HECTD4: variants seen among roughly 807,000 people sequenced by gnomAD.
HECTD4 encodes the protein HECT domain E3 ubiquitin protein ligase 4, also known as probable E3 ubiquitin-protein ligase HECTD4.
HECTD4 carries 114 observed loss-of-function variants against 471.5 expected under a neutral mutation model. The ratio of observed to expected loss-of-function variants is 0.24; its 90% CI spans 0.21 to 0.28. HECTD4 has a LOEUF of 0.28. HECTD4 is among the 10% of genes least tolerant of loss of function. HECTD4 has a pLI of 1.00. For synonymous variants in HECTD4, 2,012 were observed against 2,256.0 expected (o/e 0.89, Z 3.07); for missense variants, 3,866 against 5,651.5 (o/e 0.68, Z 10.13).
chr12:112,219,852 A>G (rs3741994), intron 44 of HECTD4, among the ~76,000 whole-genome samples: 34,734 of 151,974 alleles, frequency 0.23, 6,460 homozygotes, highest in East Asian at 0.85. Context: ...CGCCTGCCTC[A>G]GCCTCCCAAA....
chr12:112,349,958 CTTT>C (rs2036222868), intron 1 of HECTD4, among the ~76,000 whole-genome samples: 1 of 151,880 alleles, frequency 6.6e-6, no homozygotes, highest in Non-Finnish European at 1.5e-5. Flanking sequence ...TTTTCTTTTT[CTTT>C]TTCTTTTTTT....
intron 1 of HECTD4, among the ~76,000 whole-genome samples, chr12:112,327,914 T>C (rs2035777275): frequency 6.6e-6 from 1 of 152,082 alleles, no homozygotes; most frequent in African/African-American, 2.4e-5. Flanking sequence ...ATAAAACCTT[T>C]CAATTTCCAA....
chr12:112,306,212 G>A lies in HECTD4; in HGVS notation c.1187C>T (p.Pro396Leu). 6.3e-7 allele frequency: 1 copy of A among 1,579,484 alleles called. No homozygotes were observed. The highest frequency in any genetic ancestry group is 2.3e-5 in the East Asian group (1 of 43,630). Residue 396 changes from proline (P) to leucine (L), a missense_variant, in exon 7 of 76, where the codon CCA becomes CTA. Transcript: ENST00000682272. ...TLQVCQVVPMPANHLPIGSTM... is the reference protein window; with the variant it reads ...TLQVCQVVPMLANHLPIGSTM... ...GCTGCCAATGGGGAGGTGATTGGCT[G>A]GCATTGGCACCACCTGGCACACCTG...
At chr12:112,216,675 A>T in intron 47 of HECTD4, 98 bp downstream of exon 47, 2 of 1,370,830 alleles carry the variant, frequency 1.5e-6, no homozygotes, top group South Asian at 1.4e-5. Flanking sequence ...CCCCAAACTC[A>T]CTTGAAGACA....
chr12:112,235,009 A>G lies in HECTD4; in HGVS notation c.5915+68T>C, dbSNP rs568912366. 1 of 1,417,472 alleles carries G rather than the reference A, an allele frequency of 7.1e-7. No individual in the cohort carries two copies. Among genetic ancestry groups the G allele is most frequent in the East Asian group, 2.5e-5 (1 of 40,300 alleles). 87.8% of individuals were successfully genotyped at this position (1,417,472 alleles called of 1,614,324 possible). A position where few individuals can be genotyped will look rare whatever the true frequency, so the allele number is the denominator to read the frequency against. On this transcript the variant is annotated intron_variant, in intron 37 of 75. Transcript: ENST00000682272. This position sits in a 1 kb window ranked among gnomAD's most constrained non-coding sequence, Gnocchi z 5.0. ...GGCAGTCGATACATGTACAGGGCTT[A>G]CTTAGCACAGTGCCTGTGACATGGG... is the stretch of plus-strand genomic sequence containing the variant.
At chr12:112,252,995 G>A (rs918869503) in intron 22 of HECTD4, among the ~76,000 whole-genome samples, 4 of 149,968 alleles carry the variant, frequency 2.7e-5, no homozygotes, top group Middle Eastern at 3.5e-3. Context: ...TTTTTTTTTT[G>A]TAGAGACAAG....
intron 7 of HECTD4, chr12:112,301,921 A>C (rs1198834877): frequency 9.7e-7 from 1 of 1,031,214 alleles, no homozygotes; most frequent in Non-Finnish European, 1.5e-6. Context: ...CGAGCTTGGC[A>C]ATGCAAGCCA....
rs1453263091 is a variant in HECTD4, at chr12:112,228,544, G to C, written c.6684+103C>G. On this transcript the variant is annotated intron_variant, in intron 42 of 75. Coordinates refer to ENST00000682272, the MANE Select transcript of HECTD4 (RefSeq NM_001388303.1). This position sits in a 1 kb window ranked among gnomAD's most constrained non-coding sequence, Gnocchi z 4.9. ...AATATACATCACAAGTACAATTTAA[G>C]ATAATCAAGCATTTGTGCTTCTGCA... The C allele has an allele frequency of 9.5e-7, 1 of 1,047,842 alleles. No homozygotes were observed. Among genetic ancestry groups the C allele is most frequent in the Non-Finnish European group, 1.4e-6 (1 of 736,256 alleles). 64.9% of individuals were successfully genotyped at this position (1,047,842 alleles called of 1,614,324 possible).
At position 112,243,837 on chromosome 12, in the gene HECTD4, G is replaced by A. The variant is rs1473680079; in HGVS notation, c.4649+37C>T. On this transcript the variant is annotated intron_variant, in intron 30 of 75. Coordinates refer to ENST00000682272, the MANE Select transcript of HECTD4 (RefSeq NM_001388303.1). This position sits in a 1 kb window ranked among gnomAD's most constrained non-coding sequence, Gnocchi z 6.6. ...CTTGTTTTGATGAATGCATTCAGCT[G>A]CATGTGGGAACCCAACCCCGGCCAT... 8 of 1,611,688 alleles carry A rather than the reference G, an allele frequency of 5.0e-6. No individual in the cohort carries two copies. The highest frequency in any genetic ancestry group is 6.8e-6 in the Non-Finnish European group (8 of 1,178,108).
rs549164125 is a variant in HECTD4 at position 112,292,593 on chromosome 12, T to G, written c.1336-9291A>C. Among the ~76,000 whole-genome samples the G allele has an allele frequency of 5.3e-5, 8 of 152,340 alleles. No homozygotes were observed. The East Asian group carries it at 1.5e-3, about 29-fold the overall frequency. ...GTAATGTAGGAGATGAATGAATATG[T>G]GAAGACATAGCTATCTAAACTTGAG... is the stretch of plus-strand genomic sequence containing the variant. On this transcript the variant is annotated intron_variant, in intron 7 of 75. Transcript: ENST00000682272.
At chr12:112,337,522 G>C (rs954754411) in intron 1 of HECTD4, among the ~76,000 whole-genome samples, 2 of 152,064 alleles carry the variant, frequency 1.3e-5, no homozygotes, top group Non-Finnish European at 2.9e-5. Context: ...AAACAAAACA[G>C]AAACAAAAGA....
chr12:112,351,223 T>C (rs1210229608), intron 1 of HECTD4, among the ~76,000 whole-genome samples: 2 of 152,188 alleles, frequency 1.3e-5, no homozygotes, highest in African/African-American at 4.8e-5. Context: ...AGAATTCAAA[T>C]CTCTTGCTTC....
chr12:112,282,156 G>A (rs1385661002), intron 8 of HECTD4, among the ~76,000 whole-genome samples: 3 of 152,126 alleles, frequency 2.0e-5, no homozygotes, highest in Non-Finnish European at 4.4e-5. Flanking sequence ...GGCCAAGGTG[G>A]GCGGATCACG....
Position 112,195,030 on chromosome 12 carries a change from C to T in HECTD4, c.8604G>A (p.Leu2868=). The change falls in exon 56 of 76, where the codon CTG becomes CTA. Residue 2868 remains leucine, a synonymous_variant. Transcript: ENST00000682272. Reference sequence around the variant, plus strand: ...TATTGAGCAGGGCCATGCGGCAGTACAGCCTGGCCAGCGCAGCCTCGCAGC... The same window carrying T: ...TATTGAGCAGGGCCATGCGGCAGTATAGCCTGGCCAGCGCAGCCTCGCAGC... The part of the protein sequence containing the change: ...LLRCEAALAR[L]YCRMALLNIF... 2 of 1,608,104 alleles carry T rather than the reference C, an allele frequency of 1.2e-6. No homozygotes were observed. Among genetic ancestry groups the T allele is most frequent in the Non-Finnish European group, 1.7e-6 (2 of 1,177,488 alleles).
chr12:112,274,233 CAAT>C (rs1440587143), intron 10 of HECTD4, among the ~76,000 whole-genome samples: 1 of 152,176 alleles, frequency 6.6e-6, no homozygotes, highest in African/African-American at 2.4e-5. Context: ...CATTTTCTAA[CAAT>C]AACAGGTATA....
chr12:112,295,757 T>A lies in HECTD4; in HGVS notation c.1335+10307A>T, dbSNP rs142959133. ...CCTGGGCTCAAGCAATCCTCCCACC[T>A]TAGCCCTCCAAATAGCTGGGACTAC... On this transcript the variant is annotated intron_variant, in intron 7 of 75. Coordinates refer to ENST00000682272, the MANE Select transcript of HECTD4 (RefSeq NM_001388303.1). Among the ~76,000 whole-genome samples, 324 of 151,464 alleles carry A rather than the reference T, an allele frequency of 2.1e-3. 2 individuals are homozygous for A. Among genetic ancestry groups the A allele is most frequent in the African/African-American group, 6.6e-3 (274 of 41,278 alleles).
At position 112,246,883 on chromosome 12, in the gene HECTD4, G is replaced by A. The variant is rs766430805; in HGVS notation, c.4513+18C>T. On this transcript the variant is annotated intron_variant, in intron 29 of 75. Coordinates refer to ENST00000682272, the MANE Select transcript of HECTD4 (RefSeq NM_001388303.1). Reference sequence around the variant, plus strand: ...TTCATATAACAGAAGCCGATTAGGGGCTATCTTTGAGCAGTACCTGGTGTT... The same window carrying A: ...TTCATATAACAGAAGCCGATTAGGGACTATCTTTGAGCAGTACCTGGTGTT... 1.8e-5 allele frequency: 29 copies of A among 1,602,470 alleles called. No homozygotes were observed. The Middle Eastern group carries it at 8.7e-4, about 48-fold the overall frequency.
chr12:112,276,003 T>C (rs1019244362), intron 9 of HECTD4, among the ~76,000 whole-genome samples: 3 of 152,228 alleles, frequency 2.0e-5, no homozygotes, highest in Non-Finnish European at 4.4e-5. Context: ...CTTTCTCAGA[T>C]TGTGCAGCTC....
At chr12:112,272,095 C>A (rs1037707785) in intron 11 of HECTD4, among the ~76,000 whole-genome samples, 1 of 152,018 alleles carries the variant, frequency 6.6e-6, no homozygotes. Flanking sequence ...GTTGCCCAGG[C>A]TGGGGTGCAA....
Sources: gnomAD v4.1 joint callset for allele counts (sites outside exome capture counted in the v4.1 genomes callset) on GRCh38, gnomAD v4.1.1 for gene constraint, Gnocchi (gnomAD v3.1) non-coding constraint, MANE v1.5 for transcripts, NCBI Gene and HGNC (gene_info 2026-07-23, HGNC 2026-07-21) for gene names.